Variants in GSK3B observed in about 807,000 individuals in gnomAD.
The protein encoded by GSK3B is glycogen synthase kinase 3 beta.
GSK3B carries 15 observed loss-of-function variants against 56.4 expected under a neutral mutation model. The observed-to-expected ratio is 0.27, with a 90% CI of 0.18 to 0.41. The LOEUF is 0.41. GSK3B is among the 10% of genes least tolerant of loss of function. The pLI, the probability that GSK3B is intolerant of heterozygous loss-of-function variation, is 1.00. For missense variants in GSK3B, 300 were observed against 513.4 expected (o/e 0.58, Z 4.02); for synonymous variants, 181 against 188.9 (o/e 0.96, Z 0.34).
At chr3:119,969,530 A>G (rs953172564) in intron 2 of GSK3B, among the ~76,000 whole-genome samples, 1 of 152,256 alleles carries the variant, frequency 6.6e-6, no homozygotes, top group African/African-American at 2.4e-5. Context: ...CAAAAGATTC[A>G]GAATAGTCAT....
intron 10 of GSK3B, among the ~76,000 whole-genome samples, chr3:119,838,230 A>G (rs887326437): frequency 2.9e-4 from 44 of 152,116 alleles, no homozygotes; most frequent in African/African-American, 1.0e-3. Context: ...TGGAGGTTAC[A>G]TGAGCTGAGA....
At chr3:120,029,944 AC>A (rs2057961045) in intron 1 of GSK3B, 1 of 533,074 alleles carries the variant, frequency 1.9e-6, no homozygotes, top group Non-Finnish European at 3.8e-6. Context: ...CCCTAGAGTG[AC>A]CACAGCTATG....
intron 1 of GSK3B, chr3:120,028,703 T>C (rs2057950255): frequency 2.2e-6 from 1 of 451,046 alleles, no homozygotes; most frequent in South Asian, 1.6e-5. Flanking sequence ...CTCAAAACCA[T>C]GTCCTTGCAG....
At chr3:119,919,627 A>C (rs564836121) in intron 4 of GSK3B, among the ~76,000 whole-genome samples, 1 of 152,234 alleles carries the variant, frequency 6.6e-6, no homozygotes, top group South Asian at 2.1e-4. Flanking sequence ...CAGTATGTAC[A>C]ATAATTTTAT....
chr3:119,856,920 T>C (rs1294919470), intron 9 of GSK3B, among the ~76,000 whole-genome samples: 1 of 152,158 alleles, frequency 6.6e-6, no homozygotes. Context: ...ATACTACAGA[T>C]TCAGTTTTAG....
chr3:119,850,459 C>T (rs2055914609), intron 9 of GSK3B, among the ~76,000 whole-genome samples: 1 of 152,168 alleles, frequency 6.6e-6, no homozygotes, highest in Non-Finnish European at 1.5e-5. Context: ...TACAACTTTT[C>T]CCTGTGAGGA....
intron 2 of GSK3B, among the ~76,000 whole-genome samples, chr3:119,981,043 G>C (rs1382144285): frequency 1.3e-5 from 2 of 152,156 alleles, no homozygotes; most frequent in African/African-American, 2.4e-5. Context: ...AAATGTCACT[G>C]TAACTCTTAG....
chr3:119,894,009 A>G (rs550203765), intron 7 of GSK3B, among the ~76,000 whole-genome samples: 1 of 152,260 alleles, frequency 6.6e-6, no homozygotes, highest in South Asian at 2.1e-4. Flanking sequence ...CATTACCTCA[A>G]AATGAAAGCC....
chr3:119,834,942 A>G (rs1309263770), intron 10 of GSK3B, among the ~76,000 whole-genome samples: 1 of 152,230 alleles, frequency 6.6e-6, no homozygotes, highest in Non-Finnish European at 1.5e-5. Flanking sequence ...TTAGGTATCT[A>G]TATACAAACT....
chr3:119,960,862 G>A (rs576887443), intron 2 of GSK3B, among the ~76,000 whole-genome samples: 1 of 152,050 alleles, frequency 6.6e-6, no homozygotes, highest in South Asian at 2.1e-4. Flanking sequence ...ACATAGTTTT[G>A]TTGTCTGTTT....
intron 9 of GSK3B, among the ~76,000 whole-genome samples, chr3:119,861,510 C>CAA (rs550145796): frequency 1.4e-3 from 104 of 74,054 alleles, no homozygotes; most frequent in African/African-American, 3.9e-3. Context: ...GACTCCGTCT[C>CAA]AAAAAAAAAA....
chr3:119,841,511 G>T (rs1430285795), intron 10 of GSK3B, among the ~76,000 whole-genome samples: 1 of 152,088 alleles, frequency 6.6e-6, no homozygotes, highest in Non-Finnish European at 1.5e-5. Flanking sequence ...TATTAAATTT[G>T]TTAATGGCTT....
intron 10 of GSK3B, among the ~76,000 whole-genome samples, chr3:119,840,268 AG>A (rs1426115681): frequency 6.7e-6 from 1 of 148,850 alleles, no homozygotes; most frequent in Non-Finnish European, 1.5e-5. Flanking sequence ...CTTGTTGCCC[AG>A]GCTGGAGTGC....
intron 2 of GSK3B, among the ~76,000 whole-genome samples, chr3:119,978,410 G>A (rs938824748): frequency 2.6e-5 from 4 of 152,142 alleles, no homozygotes; most frequent in Admixed American, 6.5e-5. Context: ...ACTTCTTAAC[G>A]AAATCGGCCA....
intron 10 of GSK3B, among the ~76,000 whole-genome samples, chr3:119,834,403 C>CT (rs2055655843): frequency 6.6e-6 from 1 of 152,178 alleles, no homozygotes; most frequent in Admixed American, 6.5e-5. Flanking sequence ...GCACAGAACA[C>CT]TAAGGTAGCC....
intron 10 of GSK3B, among the ~76,000 whole-genome samples, chr3:119,830,320 A>G (rs756915325): frequency 2.6e-5 from 4 of 152,252 alleles, no homozygotes; most frequent in Non-Finnish European, 5.9e-5. Context: ...AAATCTTGGC[A>G]CATGCTTATT....
At chr3:120,028,785 G>A (rs1398913598) in intron 1 of GSK3B, 1 of 465,618 alleles carries the variant, frequency 2.1e-6, no homozygotes, top group Non-Finnish European at 4.2e-6. Flanking sequence ...CAGCGACCAG[G>A]CGTGGTCTCC....
At chr3:119,930,502 T>C (rs2056935469) in intron 3 of GSK3B, among the ~76,000 whole-genome samples, 2 of 152,170 alleles carry the variant, frequency 1.3e-5, no homozygotes, top group African/African-American at 4.8e-5. Flanking sequence ...CCACCTAAGA[T>C]TGACACAGAC....
rs187094684 is a variant in GSK3B, at chr3:119,823,743, C to T, written c.*3045G>A. 261 of 190,332 alleles carry T rather than the reference C, an allele frequency of 1.4e-3. No homozygotes were observed. Among genetic ancestry groups the T allele is most frequent in the African/African-American group, 5.7e-3 (246 of 43,014 alleles). The allele number at this position is 190,332 out of a possible 1,614,324, so 11.8% of individuals were successfully genotyped here. On this transcript the variant is annotated 3_prime_UTR_variant, in exon 11 of 11. Transcript: ENST00000264235. ...AACCAAAACAAAGGCAGGGCTTCAA[C>T]GAAATGAAATTACGAATATGATTTC... is the stretch of plus-strand genomic sequence containing the variant.
Sources: gnomAD v4.1 joint callset for allele counts (sites outside exome capture counted in the v4.1 genomes callset) on GRCh38, gnomAD v4.1.1 for gene constraint, MANE v1.5 for transcripts, NCBI Gene and HGNC (gene_info 2026-07-23, HGNC 2026-07-21) for gene names.